SNX29: variants seen among roughly 807,000 people sequenced by gnomAD.
SNX29 encodes sorting nexin-29.
Under a neutral mutation model 102.1 loss-of-function variants are expected in SNX29, and 78 were observed. That is an observed-to-expected ratio of 0.76 (90% CI 0.64 to 0.92). SNX29 has a LOEUF of 0.92. Ranked by LOEUF, SNX29 falls within the 40% of genes least tolerant of loss-of-function variation. The pLI is 0.00. For synonymous variants in SNX29, 580 were observed against 414.5 expected, an observed-to-expected ratio of 1.40 and a Z score of -4.85; for missense variants, 1,280 against 1,061.7, an observed-to-expected ratio of 1.21 and a Z score of -2.86.
chr16:12,335,330 C>G (rs918805109), intron 15 of SNX29, among the ~76,000 whole-genome samples: 2 of 151,996 alleles, frequency 1.3e-5, no homozygotes, highest in Non-Finnish European at 2.9e-5. Context: ...TATAAGAATT[C>G]ATTTCATCAA....
rs1295140020 is a variant in SNX29, at chr16:12,042,885, C to T, written c.248-12C>T. ...AGGCCGAGTGCCAGGCGCCTGTGCCCTCTCTCCGTAGAGCCCGTGTTCTGG... is the reference window on the plus strand; with the variant it reads ...AGGCCGAGTGCCAGGCGCCTGTGCCTTCTCTCCGTAGAGCCCGTGTTCTGG... On this transcript the variant is annotated splice_polypyrimidine_tract_variant and intron_variant, in intron 4 of 20. Coordinates refer to ENST00000566228, the MANE Select transcript of SNX29 (RefSeq NM_032167.5). 6.3e-7 allele frequency: 1 copy of T among 1,596,016 alleles called. No homozygotes were observed. Among genetic ancestry groups the T allele is most frequent in the East Asian group, 2.2e-5 (1 of 44,558 alleles).
chr16:12,312,854 A>T (rs1355627496), intron 15 of SNX29, among the ~76,000 whole-genome samples: 2 of 152,102 alleles, frequency 1.3e-5, no homozygotes, highest in Non-Finnish European at 1.5e-5. Context: ...TGACCATTCT[A>T]AAACAACCAG....
chr16:12,540,859 G>A (rs906965321), intron 20 of SNX29, among the ~76,000 whole-genome samples: 2 of 152,182 alleles, frequency 1.3e-5, no homozygotes, highest in Non-Finnish European at 1.5e-5. Context: ...TTTCTGAGCA[G>A]GAGTGCCCTT....
chr16:12,435,787 T>C (rs928657339), intron 18 of SNX29, among the ~76,000 whole-genome samples: 56 of 152,290 alleles, frequency 3.7e-4, no homozygotes, highest in African/African-American at 1.3e-3. Context: ...AGCCACTCCA[T>C]GGTGAGGATG....
chr16:12,385,840 G>C (rs938801214), intron 16 of SNX29, among the ~76,000 whole-genome samples: 1 of 152,172 alleles, frequency 6.6e-6, no homozygotes, highest in African/African-American at 2.4e-5. Flanking sequence ...GTTGGAAAAC[G>C]GGGCGGCAAG....
intron 13 of SNX29, among the ~76,000 whole-genome samples, chr16:12,162,181 C>G (rs770359489): frequency 1.3e-5 from 2 of 152,170 alleles, no homozygotes; most frequent in African/African-American, 2.4e-5. Flanking sequence ...ACACTCTTCC[C>G]TCAGATCTCA....
chr16:12,349,376 A>G (rs2081928390), intron 15 of SNX29, among the ~76,000 whole-genome samples: 1 of 152,214 alleles, frequency 6.6e-6, no homozygotes. Context: ...AGATCTGGAC[A>G]CCCATTATTT....
intron 11 of SNX29, among the ~76,000 whole-genome samples, chr16:12,118,829 C>A (rs2053853968): frequency 6.6e-6 from 1 of 152,162 alleles, no homozygotes; most frequent in Admixed American, 6.5e-5. Flanking sequence ...TTCGAGGCTG[C>A]TGTGGGAGTT....
intron 15 of SNX29, among the ~76,000 whole-genome samples, chr16:12,285,409 T>G (rs1268957048): frequency 6.6e-6 from 1 of 152,214 alleles, no homozygotes; most frequent in Non-Finnish European, 1.5e-5. Context: ...ATAAGACACT[T>G]ATCGTTTACT....
intron 13 of SNX29, among the ~76,000 whole-genome samples, chr16:12,162,313 C>A (rs2055821925): frequency 6.6e-6 from 1 of 152,212 alleles, no homozygotes; most frequent in African/African-American, 2.4e-5. Context: ...CTTTATATCA[C>A]TTTGACCCTC....
chr16:12,270,153 C>T (rs1171006896), intron 14 of SNX29, among the ~76,000 whole-genome samples: 3 of 152,110 alleles, frequency 2.0e-5, no homozygotes, highest in Non-Finnish European at 4.4e-5. Flanking sequence ...TGAGCCACCA[C>T]GTCCAGCCCC....
At chr16:12,184,209 G>A (rs1376155940) in intron 13 of SNX29, among the ~76,000 whole-genome samples, 1 of 152,190 alleles carries the variant, frequency 6.6e-6, no homozygotes, top group Non-Finnish European at 1.5e-5. Context: ...TAACTCCACA[G>A]TATCTAACAT....
chr16:11,996,689 G>A (rs1422309489), intron 1 of SNX29, among the ~76,000 whole-genome samples: 2 of 152,188 alleles, frequency 1.3e-5, no homozygotes. Flanking sequence ...AAGGAAGAAA[G>A]CAAGCCTAAC....
chr16:12,228,999 C>G (rs960210060), intron 14 of SNX29, among the ~76,000 whole-genome samples: 5 of 152,230 alleles, frequency 3.3e-5, no homozygotes, highest in African/African-American at 1.2e-4. Flanking sequence ...CCCCCACTCC[C>G]AAATGCCTTG....
At chr16:12,427,342 C>G (rs987034315) in intron 18 of SNX29, among the ~76,000 whole-genome samples, 1 of 151,812 alleles carries the variant, frequency 6.6e-6, no homozygotes, top group Admixed American at 6.6e-5. Context: ...TGTTGGCAAC[C>G]AATTAGATGT....
intron 11 of SNX29, among the ~76,000 whole-genome samples, chr16:12,088,580 G>T (rs35053871): frequency 0.23 from 34,948 of 152,042 alleles, 4,115 homozygotes; most frequent in African/African-American, 0.28. Context: ...TCTTTTTGAA[G>T]AAAAAAGAGA....
At position 12,328,887 on chromosome 16, in the gene SNX29, G is replaced by T. The variant is rs79325632; in HGVS notation, c.1783-27276G>T. 4.1e-3 allele frequency among the ~76,000 whole-genome samples: 624 copies of T among 152,168 alleles called. 10 individuals are homozygous for T. The highest frequency in any genetic ancestry group is 0.037 in the East Asian group (190 of 5,178). ...TATGGCTGGATGTGGGAGCTGAAGC[G>T]ATGTGATGTCGGGACACTGTCTCCC... On this transcript the variant is annotated intron_variant, in intron 15 of 20. Transcript: ENST00000566228.
chr16:12,265,856 C>G (rs2078913428), intron 14 of SNX29, among the ~76,000 whole-genome samples: 1 of 152,068 alleles, frequency 6.6e-6, no homozygotes, highest in South Asian at 2.1e-4. Context: ...TATCATTGCA[C>G]TCCAGTCAGG....
Position 12,212,470 on chromosome 16 carries a change from A to T in SNX29, c.1678+12787A>T, listed in dbSNP as rs2077212061. On this transcript the variant is annotated intron_variant, in intron 14 of 20. Coordinates refer to ENST00000566228, the MANE Select transcript of SNX29 (RefSeq NM_032167.5). ...AAGTGTTAATAGAACTGGAGCGGGAAAGGCAGGCACAGAGCTTCTGGTTGG... is the reference window on the plus strand; with the variant it reads ...AAGTGTTAATAGAACTGGAGCGGGATAGGCAGGCACAGAGCTTCTGGTTGG... 1.3e-5 allele frequency among the ~76,000 whole-genome samples: 2 copies of T among 150,034 alleles called. 1 individual carries two copies. Among genetic ancestry groups the T allele is most frequent in the Non-Finnish European group, 3.0e-5 (2 of 67,278 alleles).
Sources: gnomAD v4.1 joint callset for allele counts (sites outside exome capture counted in the v4.1 genomes callset) on GRCh38, gnomAD v4.1.1 for gene constraint, MANE v1.5 for transcripts, NCBI Gene and HGNC (gene_info 2026-07-23, HGNC 2026-07-21) for gene names.